The following OR4N2 variants were observed in gnomAD, a reference collection of about 807,000 sequenced individuals.
The protein encoded by OR4N2 is olfactory receptor family 4 subfamily N member 2.
For missense variants in OR4N2, 307 were observed against 377.6 expected, an observed-to-expected ratio of 0.81 and a Z score of 1.55; for synonymous variants, 141 against 140.4, an observed-to-expected ratio of 1.00 and a Z score of -0.03.
chr14:19,816,381 T>A (rs761333538), intron 1 of OR4N2, among the ~76,000 whole-genome samples: 4 of 152,238 alleles, frequency 2.6e-5, no homozygotes, highest in Non-Finnish European at 5.9e-5. Flanking sequence ...CCTTGAGCGG[T>A]GGTTTGTAAT....
intron 1 of OR4N2, among the ~76,000 whole-genome samples, chr14:19,804,164 A>G (rs1398984672): frequency 6.6e-6 from 1 of 152,124 alleles, no homozygotes; most frequent in Non-Finnish European, 1.5e-5. Context: ...GGATTTGTTA[A>G]TCTTTTGTAT....
At chr14:19,807,584 AT>A (rs1383274592) in intron 1 of OR4N2, among the ~76,000 whole-genome samples, 2 of 104,092 alleles carry the variant, frequency 1.9e-5, no homozygotes, top group Non-Finnish European at 4.4e-5. Context: ...AACAGAATCA[AT>A]AATAAAAAAA....
intron 1 of OR4N2, among the ~76,000 whole-genome samples, chr14:19,806,234 T>C (rs1480906452): frequency 6.6e-6 from 1 of 152,136 alleles, no homozygotes. Context: ...AATATTAATC[T>C]TAAATGTAAG....
intron 1 of OR4N2, among the ~76,000 whole-genome samples, chr14:19,807,019 A>G (rs1200658940): frequency 6.6e-6 from 1 of 152,162 alleles, no homozygotes; most frequent in African/African-American, 2.4e-5. Flanking sequence ...TAAAACAGGG[A>G]CACAACTAAC....
At chr14:19,827,349 T>A in intron 1 of OR4N2, 91 bp from the exon 2 acceptor site, 1 of 1,151,532 alleles carries the variant, frequency 8.7e-7, no homozygotes, top group Non-Finnish European at 1.2e-6. Flanking sequence ...GCTGAAGTAC[T>A]GCATGTGCCA....
At chr14:19,821,859 A>G (rs550022024) in intron 1 of OR4N2, 1 of 152,376 alleles carries the variant, frequency 6.6e-6, no homozygotes, top group South Asian at 2.1e-4. Context: ...CAATAGAGAG[A>G]TTTTAAAATC....
chr14:19,816,256 G>A (rs370934971), intron 1 of OR4N2, among the ~76,000 whole-genome samples: 1 of 151,138 alleles, frequency 6.6e-6, no homozygotes, highest in South Asian at 2.2e-4. Flanking sequence ...GTAGCTTGAT[G>A]GGGATAGCAT....
In OR4N2 at chr14:19,829,761, A is replaced by C. The variant is rs1357729490; in HGVS notation, c.*1389A>C. 1 of 152,292 alleles carries C rather than the reference A, an allele frequency of 6.6e-6. No individual in the cohort carries two copies. Among genetic ancestry groups the C allele is most frequent in the Admixed American group, 6.5e-5 (1 of 15,288 alleles). 9.4% of individuals were successfully genotyped at this position (152,292 alleles called of 1,614,324 possible). A position where few individuals can be genotyped will look rare whatever the true frequency, so the allele number is the denominator to read the frequency against. ...TGGAACCCCAAATGCAAGGGGGTCA[A>C]AAATTGAGTTTTAAAATATTTTATT... On this transcript the variant is annotated 3_prime_UTR_variant, in exon 2 of 2. Coordinates refer to ENST00000557677, the MANE Select transcript of OR4N2 (RefSeq NM_001004723.3).
At chr14:19,823,127 T>C (rs10872937) in intron 1 of OR4N2, among the ~76,000 whole-genome samples, 42,081 of 148,644 alleles carry the variant, frequency 0.28, 2,990 homozygotes, top group African/African-American at 0.33. Context: ...TTTTCTATTA[T>C]GTTCTCAGCC....
intron 1 of OR4N2, among the ~76,000 whole-genome samples, chr14:19,812,401 C>T (rs922104308): frequency 4.8e-5 from 7 of 146,756 alleles, no homozygotes; most frequent in African/African-American, 1.8e-4. Flanking sequence ...GCAATCTCGG[C>T]TCACTGCAAA....
chr14:19,812,382 G>A (rs1248155134), intron 1 of OR4N2, among the ~76,000 whole-genome samples: 7 of 131,618 alleles, frequency 5.3e-5, no homozygotes, highest in Admixed American at 1.9e-4. Flanking sequence ...GCTGGATCTC[G>A]ACAGTGGCGC....
At chr14:19,815,655 G>GTTTTTTTTTTTTTTTTTTTTT (rs59019427) in intron 1 of OR4N2, among the ~76,000 whole-genome samples, 2 of 138,518 alleles carry the variant, frequency 1.4e-5, no homozygotes, top group Non-Finnish European at 1.6e-5. Flanking sequence ...GTTTTTTTTT[G>GTTTTTTTTTTTTTTTTTTTTT]TTTTTTTTTT....
intron 1 of OR4N2, among the ~76,000 whole-genome samples, chr14:19,821,581 T>C (rs1348071979): frequency 6.6e-6 from 1 of 152,226 alleles, no homozygotes; most frequent in East Asian, 1.9e-4. Context: ...GTAAATTTAC[T>C]TCTCTCAAAC....
intron 1 of OR4N2, among the ~76,000 whole-genome samples, chr14:19,809,923 T>C (rs1368766046): frequency 6.6e-6 from 1 of 152,206 alleles, no homozygotes; most frequent in African/African-American, 2.4e-5. Context: ...GAAATTCCAT[T>C]CTCAAATAGG....
At chr14:19,817,638 G>C (rs1410952399) in intron 1 of OR4N2, among the ~76,000 whole-genome samples, 27 of 152,304 alleles carry the variant, frequency 1.8e-4, no homozygotes, top group African/African-American at 3.8e-4. Flanking sequence ...CAAAAAACCA[G>C]CTCCTGGATT....
chr14:19,819,047 A>T (rs1357596369), intron 1 of OR4N2, among the ~76,000 whole-genome samples: 11 of 152,198 alleles, frequency 7.2e-5, no homozygotes, highest in Admixed American at 7.2e-4. Flanking sequence ...CTGCAGAGAG[A>T]TCCACTGTTA....
intron 1 of OR4N2, among the ~76,000 whole-genome samples, chr14:19,806,791 A>T (rs1879175490): frequency 6.6e-6 from 1 of 152,338 alleles, no homozygotes; most frequent in East Asian, 1.9e-4. Context: ...ATATTGTAAG[A>T]TCAACCACAT....
chr14:19,812,582 T>A (rs1428013989), intron 1 of OR4N2, among the ~76,000 whole-genome samples: 11 of 152,220 alleles, frequency 7.2e-5, no homozygotes, highest in African/African-American at 2.4e-4. Context: ...ATGGTCTCGG[T>A]CTCCTGACTT....
intron 1 of OR4N2, among the ~76,000 whole-genome samples, chr14:19,826,411 A>G (rs1879701531): frequency 6.6e-6 from 1 of 152,376 alleles, no homozygotes; most frequent in South Asian, 2.1e-4. Flanking sequence ...TATCTATTTA[A>G]ACTGAAGAGT....
Sources: allele counts gnomAD v4.1 joint callset (sites outside exome capture counted in the v4.1 genomes callset), GRCh38; gene constraint gnomAD v4.1.1; transcripts MANE v1.5; gene names NCBI Gene and HGNC (gene_info 2026-07-23, HGNC 2026-07-21).